FMO3: variants seen among roughly 807,000 people sequenced by gnomAD.
FMO3 encodes the protein flavin-containing monooxygenase 3.
A neutral mutation model predicts 39.4 loss-of-function variants in FMO3; 40 were observed. That is an observed-to-expected ratio of 1.02 (90% CI 0.79 to 1.32). The LOEUF (loss-of-function observed/expected upper bound fraction) is 1.32. Ranked by LOEUF, FMO3 falls within the 40% of genes most tolerant of loss-of-function variation. The pLI is 0.00. For missense variants in FMO3, 680 were observed against 651.8 expected (o/e 1.04, Z -0.47); for synonymous variants, 219 against 228.8 (o/e 0.96, Z 0.39).
In FMO3 at chr1:171,096,016, T is replaced by TATAATATATATTATATATTAATATATAA. The variant is rs1431040753; in HGVS notation, c.132+3226_132+3227insATAATATATATTATATATTAATATATAA. 8.4e-5 allele frequency among the ~76,000 whole-genome samples: 4 copies of TATAATATATATTATATATTAATATATAA among 47,534 alleles called. No individual in the cohort carries two copies. The East Asian group carries it at 2.0e-3, about 24-fold the overall frequency. The allele number at this position is 47,534 out of a possible 152,430, so 31.2% of individuals were successfully genotyped here. ...ATATTTTTATATATTAATATACATA[T>TATAATATATATTATATATTAATATATAA]TATATATTAATATATAATATATATT... On this transcript the variant is annotated intron_variant, in intron 2 of 8. Transcript: ENST00000367755.
chr1:171,101,231 C>G, intron 2 of FMO3: 1 of 456,150 alleles, frequency 2.2e-6, no homozygotes, highest in Non-Finnish European at 4.4e-6. Flanking sequence ...CGTTTTCAGC[C>G]TACTGATAGT....
intron 6 of FMO3, among the ~76,000 whole-genome samples, chr1:171,112,374 A>G (rs1571223996): frequency 1.3e-5 from 2 of 152,170 alleles, no homozygotes; most frequent in South Asian, 2.1e-4. Flanking sequence ...CAAGGAAGGA[A>G]GTGAAAGGAC....
chr1:171,091,432 T>A (rs1654698237), intron 1 of FMO3, among the ~76,000 whole-genome samples: 1 of 151,906 alleles, frequency 6.6e-6, no homozygotes, highest in African/African-American at 2.4e-5. Context: ...CTATGTGATT[T>A]TGTCTAAAAA....
rs189292930 is a variant in FMO3 at position 171,099,110 on chromosome 1, T to C, written c.133-4675T>C. Among the ~76,000 whole-genome samples the C allele has an allele frequency of 3.5e-3, 530 of 152,292 alleles. 2 individuals are homozygous for C. The highest frequency in any genetic ancestry group is 0.012 in the African/African-American group (497 of 41,554). ...CTGGTATGCTGTGTCTTTGTTCTCGTTGGTTTCAAAGAACATCTTTATTTC... is the reference window on the plus strand; with the variant it reads ...CTGGTATGCTGTGTCTTTGTTCTCGCTGGTTTCAAAGAACATCTTTATTTC... On this transcript the variant is annotated intron_variant, in intron 2 of 8. Transcript: ENST00000367755.
chr1:171,108,010 T>G, intron 4 of FMO3, 69 bp from the exon 5 acceptor site: 1 of 1,537,498 alleles, frequency 6.5e-7, no homozygotes, highest in South Asian at 1.1e-5. Context: ...ATTCACAAGG[T>G]CGCTTCTGTT....
intron 8 of FMO3, 85 bp downstream of exon 8, chr1:171,116,365 A>G (rs1042776749): frequency 1.8e-5 from 13 of 731,832 alleles, no homozygotes; most frequent in African/African-American, 1.6e-4. Context: ...TTAATCTTAA[A>G]TTATCCTGAA....
intron 2 of FMO3, among the ~76,000 whole-genome samples, chr1:171,096,114 AT>A: frequency 1.2e-5 from 1 of 81,250 alleles, no homozygotes. Context: ...ATTAATTATT[AT>A]ATATTAATAA....
In FMO3 at chr1:171,114,352, A is replaced by G; in HGVS notation, c.1173A>G (p.Gln391=). The G allele has an allele frequency of 1.2e-6, 2 of 1,612,000 alleles. No homozygotes were observed. Among genetic ancestry groups the G allele is most frequent in the Non-Finnish European group, 1.7e-6 (2 of 1,178,428 alleles). Residue 391 remains glutamine (Q), a synonymous_variant, in exon 7 of 9, where the codon CAA becomes CAG. Transcript: ENST00000367755. ...TVDLQSRWAA[Q]VIKGTCTLPS... is the part of the protein sequence containing the mutation. ...ACCTCCAGTCCCGCTGGGCAGCACA[A>G]GTAATAAAGGGTAAGTCAATAAAGA...
intron 6 of FMO3, 68 bp downstream of exon 6, chr1:171,111,065 G>A (rs1306303856): frequency 1.7e-5 from 21 of 1,255,920 alleles, no homozygotes; most frequent in Non-Finnish European, 2.3e-5. Context: ...TTAATGTCCT[G>A]TAAGCCCAAA....
intron 2 of FMO3, chr1:171,100,836 C>A: frequency 3.9e-6 from 1 of 259,314 alleles, no homozygotes; most frequent in Non-Finnish European, 7.8e-6. Flanking sequence ...ATTCCTGGAA[C>A]CTGTAAATGT....
At chr1:171,095,900 T>TGTATA (rs1654948708) in intron 2 of FMO3, among the ~76,000 whole-genome samples, 1 of 6,158 alleles carries the variant, frequency 1.6e-4, no homozygotes, top group African/African-American at 5.4e-4. Context: ...TATATAATTA[T>TGTATA]AATATGTATA....
rs749268290 is a variant in FMO3, at chr1:171,114,138, A to G, written c.959A>G (p.Glu320Gly). Residue 320 changes from glutamate (E) to glycine (G), a missense_variant, in exon 7 of 9, where the codon GAG becomes GGG. Coordinates refer to ENST00000367755, the MANE Select transcript of FMO3 (RefSeq NM_001002294.3). ...SAIFEDGTIF[E>G]GIDCVIFATG... The stretch of plus-strand genomic sequence containing the variant: ...ATTTTTGAGGATGGGACCATATTTG[A>G]GGGCATTGACTGTGTAATCTTTGCA... 1 of 1,614,014 alleles carries G rather than the reference A, an allele frequency of 6.2e-7. No homozygotes were observed. Among genetic ancestry groups the G allele is most frequent in the South Asian group, 1.1e-5 (1 of 91,082 alleles).
At position 171,114,238 on chromosome 1, in the gene FMO3, TA is replaced by T; in HGVS notation, c.1062del (p.Gly355GlufsTer12). 1 of 1,613,972 alleles carries T rather than the reference TA, an allele frequency of 6.2e-7. No homozygotes were observed. Among genetic ancestry groups the T allele is most frequent in the Non-Finnish European group, 8.5e-7 (1 of 1,179,896 alleles). On this transcript the variant is annotated frameshift_variant, in exon 7 of 9. Coordinates refer to ENST00000367755, the MANE Select transcript of FMO3 (RefSeq NM_001002294.3). LOFTEE classifies it high-confidence loss of function. ...GCAGAAACAATGAGATCATTTTATT[TA>T]AAGGAGTATTTCCTCCTCTACTTGA... ...KSRNNEIILF[K>X]GVFPPLLEKS...
rs79999018 is a variant in FMO3 at position 171,106,546 on chromosome 1, G to C, written c.322-1129G>C. On this transcript the variant is annotated intron_variant, in intron 3 of 8. Transcript: ENST00000367755. Reference sequence around the variant, plus strand: ...CATTCACTTTAAAGTTTCAGAACAAGATAAGAATTCCTAATTACTATTATC... The same window carrying C: ...CATTCACTTTAAAGTTTCAGAACAACATAAGAATTCCTAATTACTATTATC... Among the ~76,000 whole-genome samples the C allele has an allele frequency of 4.0e-3, 604 of 152,222 alleles. 3 individuals carry two copies. The highest frequency in any genetic ancestry group is 0.014 in the African/African-American group (583 of 41,532).
chr1:171,112,043 A>G (rs1655936413), intron 6 of FMO3, among the ~76,000 whole-genome samples: 1 of 152,188 alleles, frequency 6.6e-6, no homozygotes, highest in Admixed American at 6.5e-5. Flanking sequence ...GGAATGAGCC[A>G]TGAGGGTCTC....
In FMO3 at chr1:171,107,678, T is replaced by G; in HGVS notation, c.325T>G (p.Phe109Val). The change falls in exon 4 of 9, where the codon TTT (phenylalanine) becomes GTT (valine). Residue 109 changes from phenylalanine to valine, a missense_variant. Transcript: ENST00000367755. ...TTTCTTTCTGTATTTCTCTTAGACA[T>G]TTGTATCCAGTGTAAATAAACATCC... Reference protein sequence around the residue: ...NLLKYIQFKTFVSSVNKHPDF... With the variant: ...NLLKYIQFKTVVSSVNKHPDF... 1.2e-6 allele frequency: 2 copies of G among 1,612,132 alleles called. No homozygotes were observed. The highest frequency in any genetic ancestry group is 1.7e-6 in the Non-Finnish European group (2 of 1,178,302).
At chr1:171,114,429 T>C in intron 7 of FMO3, 67 bp downstream of exon 7, 4 of 1,187,462 alleles carry the variant, frequency 3.4e-6, no homozygotes, top group Admixed American at 1.9e-5. Context: ...TGGATCTTTG[T>C]GAAAACAATA....
At chr1:171,096,289 T>TATA (rs570622020) in intron 2 of FMO3, among the ~76,000 whole-genome samples, 36,633 of 87,388 alleles carry the variant, frequency 0.42, 8,159 homozygotes, top group African/African-American at 0.56. Context: ...ATATATTATA[T>TATA]ATCTATTATA....
At chr1:171,108,307 A>C (rs773423537) in intron 5 of FMO3, 86 bp downstream of exon 5, 30 of 1,495,060 alleles carry the variant, frequency 2.0e-5, no homozygotes, top group Non-Finnish European at 2.8e-5. Flanking sequence ...AATGTGGGGG[A>C]GGAGGGAAGG....
Sources: gnomAD v4.1 joint callset for allele counts (sites outside exome capture counted in the v4.1 genomes callset) on GRCh38, gnomAD v4.1.1 for gene constraint, MANE v1.5 for transcripts, NCBI Gene and HGNC (gene_info 2026-07-23, HGNC 2026-07-21) for gene names.